The following DHCR7 variants were observed in gnomAD, a reference collection of about 807,000 sequenced individuals.
The protein encoded by DHCR7 is 7-DHC reductase.
A neutral mutation model predicts 43.3 loss-of-function variants in DHCR7; 40 were observed. The ratio of observed to expected loss-of-function variants is 0.92; its 90% CI spans 0.72 to 1.20. DHCR7 has a LOEUF of 1.20. Ranked by LOEUF, DHCR7 falls within the 50% of genes most tolerant of loss-of-function variation. DHCR7 has a pLI of 0.00. For synonymous variants in DHCR7, 298 were observed against 271.4 expected (o/e 1.10, Z -0.96); for missense variants, 608 against 644.6 (o/e 0.94, Z 0.62).
At chr11:71,431,423 A>G (rs2135937225), downstream of DHCR7, among the ~76,000 whole-genome samples, 1 of 152,250 alleles carries the variant, frequency 6.6e-6, no homozygotes, top group East Asian at 1.9e-4. Context: ...TCCTGTCGCT[A>G]TCACTGACGC....
Position 71,439,011 on chromosome 11 carries a change from A to G in DHCR7, c.699T>C (p.Phe233=). The change falls in exon 7 of 9, where the codon TTT becomes TTC. Residue 233 remains phenylalanine, a synonymous_variant. Transcript: ENST00000355527. The part of the protein sequence containing the change: ...IEFNPRIGKW[F]DFKLFFNGRP... ...GCCCATTGAAGAACAGCTTGAAGTCAAACCACTTCCCGATCCGAGGGTTAA... is the reference window on the plus strand; with the variant it reads ...GCCCATTGAAGAACAGCTTGAAGTCGAACCACTTCCCGATCCGAGGGTTAA... The G allele has an allele frequency of 6.2e-7, 1 of 1,614,142 alleles. No homozygotes were observed. The highest frequency in any genetic ancestry group is 8.5e-7 in the Non-Finnish European group (1 of 1,180,042).
At position 71,435,042 on chromosome 11, in the gene DHCR7, G is replaced by A. The variant is rs1949256028; in HGVS notation, c.*333C>T. 1 of 531,950 alleles carries A rather than the reference G, an allele frequency of 1.9e-6. No homozygotes were observed. The highest frequency in any genetic ancestry group is 2.2e-5 in the Admixed American group (1 of 44,462). 33.0% of individuals were successfully genotyped at this position (531,950 alleles called of 1,614,324 possible). A position where few individuals can be genotyped will look rare whatever the true frequency, so the allele number is the denominator to read the frequency against. On this transcript the variant is annotated 3_prime_UTR_variant, in exon 9 of 9. Coordinates refer to ENST00000355527, the MANE Select transcript of DHCR7 (RefSeq NM_001360.3). ...GACCTCCTGCTCACCAGTGTGGGCA[G>A]AGTGTAGCGTGGCCTGGGCTCCTAA...
intron 2 of DHCR7, among the ~76,000 whole-genome samples, chr11:71,447,377 A>T (rs1433158457): frequency 6.6e-6 from 1 of 152,274 alleles, no homozygotes. Flanking sequence ...TTCACCCAGG[A>T]GTCAGCTCTT....
At chr11:71,443,080 G>A (rs895780582) in intron 4 of DHCR7, among the ~76,000 whole-genome samples, 19 of 152,176 alleles carry the variant, frequency 1.2e-4, no homozygotes, top group Admixed American at 3.3e-4. Context: ...GGCTTCTCTC[G>A]CTCAGCAGTG....
At chr11:71,441,099 C>T in intron 6 of DHCR7, 128 bp downstream of exon 6, 1 of 865,722 alleles carries the variant, frequency 1.2e-6, no homozygotes, top group East Asian at 2.6e-5. Flanking sequence ...CAAGTTCCAT[C>T]CCCCTCCTCC....
At chr11:71,443,873 C>T (rs919191871) in intron 4 of DHCR7, 120 bp downstream of exon 4, 72 of 778,880 alleles carry the variant, frequency 9.2e-5, no homozygotes, top group South Asian at 2.5e-4. Flanking sequence ...TGCTGGGTCC[C>T]GGGAACCCAG....
At chr11:71,438,133 C>A (rs557826567) in intron 7 of DHCR7, among the ~76,000 whole-genome samples, 190 bp from the exon 8 acceptor site, 31 of 152,180 alleles carry the variant, frequency 2.0e-4, no homozygotes, top group Non-Finnish European at 4.3e-4. Flanking sequence ...GGGCTAAGGG[C>A]TTCCTTGTCC....
At position 71,435,670 on chromosome 11, in the gene DHCR7, A is replaced by G; in HGVS notation, c.1133T>C (p.Ile378Thr). 6.2e-7 allele frequency: 1 copy of G among 1,613,116 alleles called. No homozygotes were observed. Among genetic ancestry groups the G allele is most frequent in the Non-Finnish European group, 8.5e-7 (1 of 1,179,924 alleles). The change falls in exon 9 of 9, where the codon ATC becomes ACC. Residue 378 changes from isoleucine (I) to threonine (T), a missense_variant. Physicochemically the swap from Ile to Thr is moderately conservative, Grantham distance 89 (BLOSUM62 -1). Coordinates refer to ENST00000355527, the MANE Select transcript of DHCR7 (RefSeq NM_001360.3). ...CLIWGRKPKV[I>T]ECSYTSADGQ... ...ATCGGCGGATGTGTAGGAGCACTCG[A>G]TGACCTTGGGCTTCCTGCCCCAGAT...
chr11:71,435,707 C>G lies in DHCR7; in HGVS notation c.1096G>C (p.Gly366Arg). The stretch of plus-strand genomic sequence containing the variant: ...TTCCTGCCCCAGATGAGGCAGCGCC[C>G]ATCCGTGCGGCGGAACAGGTCCTTC... ...HQKDLFRRTDGRCLIWGRKPK... is the reference protein window; with the variant it reads ...HQKDLFRRTDRRCLIWGRKPK... Residue 366 changes from glycine to arginine, a missense_variant, in exon 9 of 9, where the codon GGG (glycine) becomes CGG (arginine). By Grantham distance (125) the Gly-to-Arg change is moderately radical. Coordinates refer to ENST00000355527, the MANE Select transcript of DHCR7 (RefSeq NM_001360.3). 6.2e-7 allele frequency: 1 copy of G among 1,613,206 alleles called. No individual in the cohort carries two copies. The highest frequency in any genetic ancestry group is 8.5e-7 in the Non-Finnish European group (1 of 1,179,954).
At chr11:71,437,748 A>G in intron 8 of DHCR7, 64 bp downstream of exon 8, 1 of 1,609,398 alleles carries the variant, frequency 6.2e-7, no homozygotes, top group Non-Finnish European at 8.5e-7. Flanking sequence ...ACGCTTCTGC[A>G]AGGAGAAAGC....
rs1009986040 is a variant in DHCR7, at chr11:71,438,903, G to T, written c.807C>A (p.Ala269=). ...CCTGCAGGACGTTGACCAGGACCAT[G>T]GCATTGGTCACATGGCTGTGGAGCT... The part of the protein sequence containing the change: ...QRELHSHVTN[A]MVLVNVLQAI... Residue 269 remains alanine, a synonymous_variant, in exon 7 of 9, where the codon GCC becomes GCA. Transcript: ENST00000355527. 2 of 1,613,902 alleles carry T rather than the reference G, an allele frequency of 1.2e-6. No individual in the cohort carries two copies. The highest frequency in any genetic ancestry group is 8.5e-7 in the Non-Finnish European group (1 of 1,180,036).
At chr11:71,438,655 G>A in intron 7 of DHCR7, 6 of 614,522 alleles carry the variant, frequency 9.8e-6, no homozygotes, top group Non-Finnish European at 1.5e-5. Context: ...ACGCCTGGCT[G>A]CGTAGAACCT....
In DHCR7 at chr11:71,435,495, CATGTAGATGATGTAG is replaced by C. The variant is rs1247059842; in HGVS notation, c.1293_1307del (p.Phe431_Met436delinsLeu). ...GGCAGCGGTGGGTCAGCAGGATGGC[CATGTAGATGATGTAG>C]AAGTAGGGCAGCAGGTGGCCGCCGC... is the stretch of plus-strand genomic sequence containing the variant. On this transcript the variant is annotated inframe_deletion, in exon 9 of 9. Coordinates refer to ENST00000355527, the MANE Select transcript of DHCR7 (RefSeq NM_001360.3). The C allele has an allele frequency of 1.2e-6, 2 of 1,612,130 alleles. No individual in the cohort carries two copies. Among genetic ancestry groups the C allele is most frequent in the Non-Finnish European group, 1.7e-6 (2 of 1,179,930 alleles).
rs895314540 is a variant in DHCR7 at position 71,439,155 on chromosome 11, G to A, written c.627-72C>T. ...ACAAGATGAAGCCACCTTACTTAGCGAGAGCCCAGCACTGGCCCAGGGTCC... is the reference window on the plus strand; with the variant it reads ...ACAAGATGAAGCCACCTTACTTAGCAAGAGCCCAGCACTGGCCCAGGGTCC... On this transcript the variant is annotated intron_variant, in intron 6 of 8. Transcript: ENST00000355527. 8.7e-5 allele frequency: 127 copies of A among 1,452,394 alleles called. 1 individual carries two copies. Among genetic ancestry groups the A allele is most frequent in the South Asian group, 7.5e-4 (63 of 84,004 alleles). 90.0% of individuals were successfully genotyped at this position (1,452,394 alleles called of 1,614,324 possible).
chr11:71,444,165 G>GC lies in DHCR7; in HGVS notation c.148dup (p.Ala50GlyfsTer13). On this transcript the variant is annotated frameshift_variant, in exon 4 of 9. Coordinates refer to ENST00000355527, the MANE Select transcript of DHCR7 (RefSeq NM_001360.3). LOFTEE classifies it high-confidence loss of function. ...GATGAAGTAGTAGACGATGAAGGGG[G>GC]CGAACAGCAGTAGGAAGATGACGCT... The GC allele has an allele frequency of 6.2e-7, 1 of 1,608,896 alleles. No homozygotes were observed. Among genetic ancestry groups the GC allele is most frequent in the Non-Finnish European group, 8.5e-7 (1 of 1,177,362 alleles).
chr11:71,444,744 AATC>A, intron 3 of DHCR7, 108 bp downstream of exon 3: 1 of 960,954 alleles, frequency 1.0e-6, no homozygotes, highest in Non-Finnish European at 1.6e-6. Context: ...AAAAAAAAAA[AATC>A]TTTTTTAAAA....
chr11:71,446,849 C>T (rs149904394), intron 2 of DHCR7, among the ~76,000 whole-genome samples: 16 of 152,298 alleles, frequency 1.1e-4, no homozygotes, highest in Admixed American at 7.8e-4. Context: ...CAGAGCCTGG[C>T]GAGTGCCAGT....
At chr11:71,432,872 C>T (rs541838556), downstream of DHCR7, among the ~76,000 whole-genome samples, 3 of 152,186 alleles carry the variant, frequency 2.0e-5, no homozygotes, top group African/African-American at 7.2e-5. Context: ...ATGTGCTGAG[C>T]AATTGATTGT....
chr11:71,432,117 C>T (rs914356934), downstream of DHCR7, among the ~76,000 whole-genome samples: 11 of 152,218 alleles, frequency 7.2e-5, no homozygotes, highest in Admixed American at 2.0e-4. Flanking sequence ...TGAGCCACTG[C>T]GCCCAGCAGA....
Sources: gnomAD v4.1 joint callset for allele counts (sites outside exome capture counted in the v4.1 genomes callset) on GRCh38, gnomAD v4.1.1 for gene constraint, MANE v1.5 for transcripts, NCBI Gene and HGNC (gene_info 2026-07-23, HGNC 2026-07-21) for gene names.